The following BACH1 variants were observed in gnomAD, a reference collection of about 807,000 sequenced individuals.
The protein encoded by BACH1 is BTB domain and CNC homolog 1, also known as transcription regulator protein BACH1.
In BACH1, 35 loss-of-function variants were observed where a neutral mutation model predicts 52.9. The ratio of observed to expected loss-of-function variants is 0.66; its 90% CI spans 0.51 to 0.88. The LOEUF (loss-of-function observed/expected upper bound fraction) is 0.88. Among genes scored for constraint, BACH1 ranks in the 40% least tolerant of loss-of-function variants. The pLI is 0.00. For synonymous variants in BACH1, 321 were observed against 319.6 expected (o/e 1.00, Z -0.05); for missense variants, 808 against 872.6 (o/e 0.93, Z 0.93).
chr21:29,348,619 A>G (rs895202034), downstream of BACH1, among the ~76,000 whole-genome samples: 8 of 152,196 alleles, frequency 5.3e-5, no homozygotes, highest in African/African-American at 1.9e-4. Flanking sequence ...CCACCATTGC[A>G]TGACACCTTA....
intron 1 of BACH1, among the ~76,000 whole-genome samples, chr21:29,309,393 G>A (rs2088695080): frequency 6.6e-6 from 1 of 152,032 alleles, no homozygotes; most frequent in Non-Finnish European, 1.5e-5. Context: ...GGTATTTCTT[G>A]AACTCCTTGT....
intron 2 of BACH1, among the ~76,000 whole-genome samples, chr21:29,353,981 G>T (rs890112330): frequency 1.3e-5 from 2 of 152,136 alleles, no homozygotes; most frequent in Non-Finnish European, 2.9e-5. Context: ...TGCCAGGGAG[G>T]GAGGTTGCCT....
rs1352368013 is a variant in BACH1 at position 29,345,937 on chromosome 21, CATAAT to C, written c.*3110_*3114del. ...AAAACATTGATTTTTTTATATCTTTCATAATATAATTTTCTAACAATGCAATAAAA... is the reference window on the plus strand; with the variant it reads ...AAAACATTGATTTTTTTATATCTTTCATAATTTTCTAACAATGCAATAAAA... On this transcript the variant is annotated 3_prime_UTR_variant, in exon 5 of 5. Coordinates refer to ENST00000286800, the MANE Select transcript of BACH1 (RefSeq NM_001186.4). 6.6e-6 allele frequency: 1 copy of C among 152,502 alleles called. No individual in the cohort carries two copies. The highest frequency in any genetic ancestry group is 6.6e-5 in the Admixed American group (1 of 15,262). 9.4% of individuals were successfully genotyped at this position (152,502 alleles called of 1,614,324 possible). A position where few individuals can be genotyped will look rare whatever the true frequency, so the allele number is the denominator to read the frequency against.
rs1394669811 is a variant in BACH1 at position 29,319,835 on chromosome 21, G to T, written c.-60-1386G>T. Among the ~76,000 whole-genome samples the T allele has an allele frequency of 2.6e-5, 4 of 151,680 alleles. No individual in the cohort carries two copies. In the East Asian group the frequency reaches 5.8e-4, roughly 22 times the overall value. On this transcript the variant is annotated intron_variant, in intron 1 of 4. Coordinates refer to ENST00000286800, the MANE Select transcript of BACH1 (RefSeq NM_001186.4). ...GTCTTGAAGAAAGAAGAGGGCAGTG[G>T]TCTGTGTGTGGTGCCACCCACAAAA...
intron 4 of BACH1, among the ~76,000 whole-genome samples, chr21:29,337,317 A>T (rs999434793): frequency 6.6e-6 from 1 of 152,206 alleles, no homozygotes; most frequent in African/African-American, 2.4e-5. Context: ...CAGTGGACAG[A>T]GCTAGGAAAT....
In BACH1 at chr21:29,326,356, A is replaced by T. The variant is rs755532442; in HGVS notation, c.532A>T (p.Asn178Tyr). The T allele has an allele frequency of 1.2e-6, 2 of 1,614,190 alleles. No individual in the cohort carries two copies. The highest frequency in any genetic ancestry group is 1.7e-6 in the Non-Finnish European group (2 of 1,180,026). Reference protein sequence around the residue: ...DEVEEFLENKNVQTPQCKLRR... With the variant: ...DEVEEFLENKYVQTPQCKLRR... ...AGTGGAGGAATTTCTGGAAAATAAA[A>T]ATGTTCAGACTCCTCAGTGTAAACT... The change falls in exon 3 of 5, where the codon AAT becomes TAT. Residue 178 changes from asparagine (N) to tyrosine (Y), a missense_variant. Coordinates refer to ENST00000286800, the MANE Select transcript of BACH1 (RefSeq NM_001186.4).
At chr21:29,310,921 C>T (rs913622293) in intron 1 of BACH1, among the ~76,000 whole-genome samples, 2 of 152,018 alleles carry the variant, frequency 1.3e-5, no homozygotes, top group African/African-American at 2.4e-5. Flanking sequence ...AATTATAGAT[C>T]GAGGGGTATA....
At chr21:29,307,663 A>T (rs978242841) in intron 1 of BACH1, among the ~76,000 whole-genome samples, 2 of 152,228 alleles carry the variant, frequency 1.3e-5, no homozygotes, top group African/African-American at 4.8e-5. Context: ...ATGAAAAAGC[A>T]TAGTATATAT....
intron 4 of BACH1, among the ~76,000 whole-genome samples, chr21:29,331,452 G>A (rs2088981411): frequency 6.6e-6 from 1 of 152,202 alleles, no homozygotes; most frequent in Admixed American, 6.5e-5. Flanking sequence ...ATGTTTGAGA[G>A]TAGCTATTAT....
chr21:29,332,834 G>A (rs1255201455), intron 4 of BACH1, among the ~76,000 whole-genome samples: 1 of 152,134 alleles, frequency 6.6e-6, no homozygotes, highest in Non-Finnish European at 1.5e-5. Context: ...TGTGACTAGC[G>A]AGCAAGAACA....
At chr21:29,341,780 T>C (rs139679824) in intron 4 of BACH1, among the ~76,000 whole-genome samples, 1 of 152,344 alleles carries the variant, frequency 6.6e-6, no homozygotes, top group African/African-American at 2.4e-5. Context: ...GTGGATTACA[T>C]AGCTGAGATT....
At chr21:29,341,662 G>A (rs1393068644) in intron 4 of BACH1, among the ~76,000 whole-genome samples, 3 of 152,070 alleles carry the variant, frequency 2.0e-5, no homozygotes, top group Admixed American at 6.6e-5. Flanking sequence ...TTACCCCCCC[G>A]AATTCTTCAC....
At chr21:29,306,282 C>G (rs1246807478) in intron 1 of BACH1, among the ~76,000 whole-genome samples, 1 of 150,934 alleles carries the variant, frequency 6.6e-6, no homozygotes, top group African/African-American at 2.4e-5. Context: ...TTGGCAAGTT[C>G]CTCTTATGGT....
rs144674236 is a variant in BACH1, at chr21:29,342,349, G to C, written c.1777-50G>C. The C allele has an allele frequency of 6.3e-5, 96 of 1,523,478 alleles. No individual in the cohort carries two copies. The African/African-American group carries it at 1.2e-3, about 19-fold the overall frequency. 94.4% of individuals were successfully genotyped at this position (1,523,478 alleles called of 1,614,324 possible). A position where few individuals can be genotyped will look rare whatever the true frequency, so the allele number is the denominator to read the frequency against. On this transcript the variant is annotated intron_variant, in intron 4 of 4. Coordinates refer to ENST00000286800, the MANE Select transcript of BACH1 (RefSeq NM_001186.4). The stretch of plus-strand genomic sequence containing the variant: ...ATTATTTGATCGCCTTGGAAATGTT[G>C]ATTGAGCTAATAAACACAAGCCATT...
intron 2 of BACH1, among the ~76,000 whole-genome samples, chr21:29,357,785 G>A (rs551975847): frequency 3.7e-4 from 57 of 152,296 alleles, no homozygotes; most frequent in Admixed American, 6.5e-4. Flanking sequence ...TTCATCCTGT[G>A]GGAAGGCTTA....
chr21:29,305,627 G>T (rs1196979586), intron 1 of BACH1, among the ~76,000 whole-genome samples: 2 of 152,100 alleles, frequency 1.3e-5, no homozygotes, highest in South Asian at 4.1e-4. Flanking sequence ...TGTTGAATTA[G>T]CTTGGAACAG....
At chr21:29,303,261 A>G (rs1405389428) in intron 1 of BACH1, among the ~76,000 whole-genome samples, 1 of 152,244 alleles carries the variant, frequency 6.6e-6, no homozygotes, top group African/African-American at 2.4e-5. Context: ...TTTATCGTAT[A>G]GCTTTTTGTA....
intron 2 of BACH1, among the ~76,000 whole-genome samples, chr21:29,360,803 C>T (rs371957124): frequency 6.6e-6 from 1 of 150,684 alleles, no homozygotes; most frequent in East Asian, 1.9e-4. Flanking sequence ...TGAGATGGCA[C>T]CACTGCACTC....
intron 4 of BACH1, among the ~76,000 whole-genome samples, chr21:29,339,915 C>T (rs774564591): frequency 3.3e-5 from 5 of 152,184 alleles, no homozygotes; most frequent in Non-Finnish European, 7.3e-5. Flanking sequence ...GGATTACAGG[C>T]GTGAGCCACT....
Sources: gnomAD v4.1 joint callset for allele counts (sites outside exome capture counted in the v4.1 genomes callset) on GRCh38, gnomAD v4.1.1 for gene constraint, MANE v1.5 for transcripts, NCBI Gene and HGNC (gene_info 2026-07-23, HGNC 2026-07-21) for gene names.